The following GRID2 variants were observed in gnomAD, a reference collection of about 807,000 sequenced individuals.
GRID2 encodes glutamate ionotropic receptor delta type subunit 2, also known as glutamate receptor ionotropic, delta-2.
A neutral mutation model predicts 114.8 loss-of-function variants in GRID2; 33 were observed. The observed-to-expected ratio is 0.29, with a 90% CI of 0.22 to 0.38. The LOEUF (loss-of-function observed/expected upper bound fraction) is 0.38, where lower values mean the gene tolerates loss of function less well. Among genes scored for constraint, GRID2 ranks in the 10% least tolerant of loss-of-function variants. GRID2 has a pLI of 1.00. For missense variants in GRID2, 1,184 were observed against 1,257.7 expected (o/e 0.94, Z 0.89); for synonymous variants, 505 against 449.9 (o/e 1.12, Z -1.55).
At chr4:93,349,903 T>C (rs1760625868) in intron 8 of GRID2, among the ~76,000 whole-genome samples, 1 of 152,016 alleles carries the variant, frequency 6.6e-6, no homozygotes. Flanking sequence ...TGTAAGAAAA[T>C]AATATGTGTG....
chr4:92,332,211 G>A (rs1262712033), intron 1 of GRID2, among the ~76,000 whole-genome samples: 1 of 152,084 alleles, frequency 6.6e-6, no homozygotes, highest in Non-Finnish European at 1.5e-5. Context: ...GTGGCTGAGA[G>A]GTCCACGATT....
chr4:93,454,363 A>G (rs1722991061), intron 10 of GRID2, among the ~76,000 whole-genome samples: 1 of 152,064 alleles, frequency 6.6e-6, no homozygotes, highest in African/African-American at 2.4e-5. Context: ...AATAAGTAAA[A>G]CATAGCTTTA....
At chr4:92,514,402 A>G (rs1236114197) in intron 1 of GRID2, among the ~76,000 whole-genome samples, 1 of 151,864 alleles carries the variant, frequency 6.6e-6, no homozygotes, top group African/African-American at 2.4e-5. Flanking sequence ...CACTTCTATG[A>G]CTCAGGTACT....
At chr4:93,714,672 T>A (rs1182742944) in intron 14 of GRID2, among the ~76,000 whole-genome samples, 1 of 152,264 alleles carries the variant, frequency 6.6e-6, no homozygotes, top group Non-Finnish European at 1.5e-5. Context: ...TGCATTTCTC[T>A]AATGAACAGT....
At chr4:92,996,336 C>T (rs949136985) in intron 2 of GRID2, among the ~76,000 whole-genome samples, 12 of 151,734 alleles carry the variant, frequency 7.9e-5, no homozygotes, top group Admixed American at 7.2e-4. Flanking sequence ...AATCTTATTT[C>T]GATGTTTGCT....
intron 2 of GRID2, among the ~76,000 whole-genome samples, chr4:92,942,232 G>A (rs997517204): frequency 1.3e-5 from 2 of 151,936 alleles, no homozygotes; most frequent in Non-Finnish European, 2.9e-5. Context: ...CTAAGGACTT[G>A]CTTTATGAAT....
At chr4:92,740,694 A>AGATAGATAGAT (rs1302237218) in intron 2 of GRID2, among the ~76,000 whole-genome samples, 13 of 16,156 alleles carry the variant, frequency 8.0e-4, no homozygotes, top group Non-Finnish European at 1.5e-3. Flanking sequence ...GATAGATGAT[A>AGATAGATAGAT]GATAGATAGA....
intron 2 of GRID2, among the ~76,000 whole-genome samples, chr4:93,038,322 A>T (rs1026161486): frequency 1.4e-4 from 22 of 152,134 alleles, no homozygotes; most frequent in Admixed American, 2.6e-4. Context: ...TTCTAAAAAA[A>T]ACAACCCCAT....
At chr4:93,024,850 C>T (rs781563187) in intron 2 of GRID2, among the ~76,000 whole-genome samples, 67 of 151,596 alleles carry the variant, frequency 4.4e-4, no homozygotes, top group Non-Finnish European at 7.4e-4. Flanking sequence ...ATTTCTTTGT[C>T]AGTGGAGATT....
chr4:93,083,290 T>G (rs911198049), intron 2 of GRID2, among the ~76,000 whole-genome samples: 5 of 152,144 alleles, frequency 3.3e-5, no homozygotes, highest in Non-Finnish European at 7.4e-5. Context: ...ATTAATTCAT[T>G]GAAATTATAA....
intron 1 of GRID2, among the ~76,000 whole-genome samples, chr4:92,504,234 G>A (rs1446735518): frequency 1.3e-5 from 2 of 152,192 alleles, no homozygotes; most frequent in East Asian, 3.9e-4. Context: ...TGTAAGCAAA[G>A]TCATAGAGGT....
At chr4:93,183,078 G>T (rs1470654781) in intron 4 of GRID2, among the ~76,000 whole-genome samples, 1 of 152,140 alleles carries the variant, frequency 6.6e-6, no homozygotes, top group Non-Finnish European at 1.5e-5. Flanking sequence ...AAATCAAAAT[G>T]AGTAAAATAA....
At chr4:92,882,500 AT>A (rs1371370985) in intron 2 of GRID2, among the ~76,000 whole-genome samples, 3 of 149,398 alleles carry the variant, frequency 2.0e-5, no homozygotes, top group Admixed American at 1.3e-4. Context: ...TGGCTCTCTC[AT>A]TTTTTTTTTA....
chr4:93,017,535 C>T (rs1302090529), intron 2 of GRID2, among the ~76,000 whole-genome samples: 1 of 151,688 alleles, frequency 6.6e-6, no homozygotes, highest in East Asian at 1.9e-4. Context: ...TATATATGGC[C>T]ACGCGCAGTG....
intron 1 of GRID2, among the ~76,000 whole-genome samples, chr4:92,377,662 T>C (rs969728385): frequency 5.3e-5 from 8 of 152,112 alleles, no homozygotes; most frequent in Admixed American, 6.6e-5. Context: ...AATGGACTCA[T>C]AGTTCCACAT....
rs190552364 is a variant in GRID2 at position 92,731,647 on chromosome 4, A to G, written c.244+141361A>G. On this transcript the variant is annotated intron_variant, in intron 2 of 15. Transcript: ENST00000282020. ...TTTTATCTATTAAATGTGAATAATT[A>G]AAGAGGGTGAATTTGGGTAAACTGA... 2.1e-3 allele frequency among the ~76,000 whole-genome samples: 316 copies of G among 152,058 alleles called. 1 individual carries two copies. The highest frequency in any genetic ancestry group is 3.2e-3 in the Non-Finnish European group (214 of 67,876).
At chr4:93,323,872 G>A (rs1205260148) in intron 8 of GRID2, among the ~76,000 whole-genome samples, 1 of 152,170 alleles carries the variant, frequency 6.6e-6, no homozygotes, top group African/African-American at 2.4e-5. Flanking sequence ...GTATAAGAAT[G>A]CTTGGGATTT....
intron 8 of GRID2, among the ~76,000 whole-genome samples, chr4:93,249,183 G>T (rs1331381137): frequency 6.6e-6 from 1 of 152,150 alleles, no homozygotes; most frequent in Non-Finnish European, 1.5e-5. Flanking sequence ...GATGACTGTA[G>T]TTGTGTGGTG....
intron 8 of GRID2, among the ~76,000 whole-genome samples, chr4:93,239,378 G>T (rs924865052): frequency 1.0e-4 from 12 of 114,836 alleles, no homozygotes; most frequent in Non-Finnish European, 2.2e-4. Context: ...TCTATATTTG[G>T]TAGGGAAAAA....
Sources: gnomAD v4.1 joint callset for allele counts (sites outside exome capture counted in the v4.1 genomes callset) on GRCh38, gnomAD v4.1.1 for gene constraint, MANE v1.5 for transcripts, NCBI Gene and HGNC (gene_info 2026-07-23, HGNC 2026-07-21) for gene names.